Variants in ZC3H12B observed in about 807,000 individuals in gnomAD.
ZC3H12B encodes the protein probable ribonuclease ZC3H12B.
In ZC3H12B, 7 loss-of-function variants were observed where a neutral mutation model predicts 43.9. The observed-to-expected ratio is 0.16, with a 90% CI of 0.09 to 0.30. The LOEUF is 0.30. Among genes scored for constraint, ZC3H12B ranks in the 10% least tolerant of loss-of-function variants. The pLI, the probability that ZC3H12B is intolerant of heterozygous loss-of-function variation, is 1.00. For missense variants in ZC3H12B, 475 were observed against 670.2 expected (o/e 0.71, Z 3.22); for synonymous variants, 222 against 241.7 (o/e 0.92, Z 0.76).
the ZC3H12B span, among the ~76,000 whole-genome samples, chrX:65,050,548 A>G: frequency 9.0e-6 from 1 of 110,759 alleles, no homozygotes; most frequent in Admixed American, 9.6e-5. Flanking sequence ...TTCATATATG[A>G]TTTTGTTGAC....
the ZC3H12B span, among the ~76,000 whole-genome samples, chrX:65,068,291 C>T: frequency 9.1e-6 from 1 of 110,103 alleles, no homozygotes; most frequent in African/African-American, 3.3e-5. Context: ...TCTTCTCTTG[C>T]TTCTTTGCTT....
the ZC3H12B span, among the ~76,000 whole-genome samples, chrX:65,146,844 C>T: frequency 1.8e-5 from 2 of 111,271 alleles, no homozygotes; most frequent in Admixed American, 1.9e-4. Flanking sequence ...TAGATACAAG[C>T]ACAATATTTG....
chrX:65,407,997 C>A (rs2066856233), intron 3 of ZC3H12B: 18 of 1,051,449 alleles, frequency 1.7e-5, no homozygotes, highest in Non-Finnish European at 2.2e-5. Flanking sequence ...GGCTTTCCGG[C>A]TTAATTTTCC....
chrX:65,147,521 G>C, the ZC3H12B span, among the ~76,000 whole-genome samples: 18 of 111,331 alleles, frequency 1.6e-4, no homozygotes, highest in Admixed American at 6.7e-4. Context: ...CCTTGAGCAT[G>C]AGTCTGCAAA....
chrX:65,475,637 C>A (rs1218007510), intron 3 of ZC3H12B, among the ~76,000 whole-genome samples: 2 of 111,403 alleles, frequency 1.8e-5, no homozygotes, highest in East Asian at 5.6e-4. Flanking sequence ...AAAGACATAC[C>A]CAAGACTGGG....
chrX:65,471,283 T>A (rs1036642823), intron 3 of ZC3H12B, among the ~76,000 whole-genome samples: 4 of 110,521 alleles, frequency 3.6e-5, no homozygotes, highest in African/African-American at 1.3e-4. Flanking sequence ...TTTTTTTAAC[T>A]GTTGTTGCTT....
chrX:65,142,059 TCTA>T, the ZC3H12B span, among the ~76,000 whole-genome samples: 4 of 112,198 alleles, frequency 3.6e-5, no homozygotes, highest in African/African-American at 1.3e-4. Context: ...AAGTGGTAGT[TCTA>T]CTTTTAGTTT....
the ZC3H12B span, among the ~76,000 whole-genome samples, chrX:65,120,511 T>G: frequency 8.9e-6 from 1 of 111,930 alleles, no homozygotes; most frequent in Non-Finnish European, 1.9e-5. Flanking sequence ...ATCCTGAGAC[T>G]TTGCTGAAGT....
chrX:65,285,115 T>G, the ZC3H12B span, among the ~76,000 whole-genome samples: 15,884 of 109,364 alleles, frequency 0.15, 2,733 homozygotes, highest in African/African-American at 0.49. Flanking sequence ...GAATAATTAT[T>G]ATTATTATTA....
intron 3 of ZC3H12B, among the ~76,000 whole-genome samples, chrX:65,430,679 T>G (rs889860588): frequency 3.6e-5 from 4 of 110,027 alleles, no homozygotes; most frequent in Non-Finnish European, 7.6e-5. Context: ...GAACTCATCC[T>G]TTTTTATGGC....
the ZC3H12B span, among the ~76,000 whole-genome samples, chrX:65,051,044 A>G: frequency 9.0e-6 from 1 of 111,369 alleles, no homozygotes; most frequent in East Asian, 2.8e-4. Flanking sequence ...ACTAGTTACA[A>G]GTATGTTCAG....
the ZC3H12B span, among the ~76,000 whole-genome samples, chrX:65,087,696 A>G: frequency 1.8e-5 from 2 of 112,062 alleles, no homozygotes; most frequent in South Asian, 7.4e-4. Context: ...AGGATCTGAC[A>G]TAGGACAGGG....
the ZC3H12B span, among the ~76,000 whole-genome samples, chrX:65,242,707 C>T: frequency 3.6e-5 from 4 of 112,111 alleles, no homozygotes; most frequent in African/African-American, 1.3e-4. Context: ...CTGGAAGCAT[C>T]ATATTACCTA....
chrX:65,100,562 A>G, the ZC3H12B span, among the ~76,000 whole-genome samples: 4 of 88,462 alleles, frequency 4.5e-5, no homozygotes, highest in Admixed American at 2.5e-4. Flanking sequence ...AAGCAAAGAT[A>G]AAGCAAAAAA....
chrX:65,060,372 C>T, the ZC3H12B span, among the ~76,000 whole-genome samples: 2 of 111,783 alleles, frequency 1.8e-5, no homozygotes, highest in African/African-American at 6.5e-5. Flanking sequence ...GTTTTATGTT[C>T]CTTCTGTCCC....
At chrX:65,502,382 A>C (rs41306135) in exon 5 of ZC3H12B, 1 of 1,209,479 alleles carries the variant, frequency 8.3e-7, no homozygotes, top group Non-Finnish European at 1.1e-6. Context: ...CAGCATGCAT[A>C]ACCGAGAGTA....
chrX:65,258,945 G>T, the ZC3H12B span, among the ~76,000 whole-genome samples: 1 of 111,688 alleles, frequency 9.0e-6, no homozygotes, highest in African/African-American at 3.3e-5. Flanking sequence ...GAAGCATTCC[G>T]TGCTCATGGA....
the ZC3H12B span, among the ~76,000 whole-genome samples, chrX:65,318,255 T>C: frequency 1.8e-5 from 2 of 109,587 alleles, no homozygotes; most frequent in South Asian, 7.9e-4. Flanking sequence ...GTGGTTTTGA[T>C]TTGCATTTCC....
At chrX:65,302,237 T>G in the ZC3H12B span, among the ~76,000 whole-genome samples, 1 of 111,568 alleles carries the variant, frequency 9.0e-6, no homozygotes, top group East Asian at 2.8e-4. Flanking sequence ...CTGCTTTTTT[T>G]TTTTACAGGT....
Sources: allele counts gnomAD v4.1 joint callset (sites outside exome capture counted in the v4.1 genomes callset), GRCh38; gene constraint gnomAD v4.1.1; transcripts MANE v1.5; gene names NCBI Gene and HGNC (gene_info 2026-07-23, HGNC 2026-07-21).